The following CTBP2 variants were observed in gnomAD, a reference collection of about 807,000 sequenced individuals.
CTBP2 encodes the protein C-terminal-binding protein 2.
In CTBP2, 30 loss-of-function variants were observed where a neutral mutation model predicts 80.3. The observed-to-expected ratio is 0.37, with a 90% CI of 0.28 to 0.51. The LOEUF is 0.51. Ranked by LOEUF, CTBP2 falls within the 20% of genes least tolerant of loss-of-function variation. CTBP2 has a pLI of 0.93. For synonymous variants in CTBP2, 594 were observed against 587.4 expected (o/e 1.01, Z -0.16); for missense variants, 1,212 against 1,375.3 (o/e 0.88, Z 1.88).
intron 2 of CTBP2, among the ~76,000 whole-genome samples, chr10:125,091,302 G>A (rs1848729673): frequency 6.6e-6 from 1 of 152,196 alleles, no homozygotes. Context: ...CCCTCCGTAT[G>A]CTCAGATGCA....
intron 1 of CTBP2, among the ~76,000 whole-genome samples, chr10:125,142,279 A>G (rs1021438920): frequency 6.6e-6 from 1 of 152,066 alleles, no homozygotes; most frequent in Non-Finnish European, 1.5e-5. Context: ...TGGGGAGAGG[A>G]GGGGTGTCAT....
intron 3 of CTBP2, among the ~76,000 whole-genome samples, chr10:125,033,552 T>C (rs1423651657): frequency 2.0e-5 from 3 of 152,186 alleles, no homozygotes; most frequent in Non-Finnish European, 4.4e-5. Context: ...CCCAAATACC[T>C]GTCAATTAGG....
intron 1 of CTBP2, among the ~76,000 whole-genome samples, chr10:125,149,801 G>A (rs1239933132): frequency 1.3e-5 from 2 of 152,214 alleles, no homozygotes; most frequent in African/African-American, 2.4e-5. Flanking sequence ...CACCTGCTCC[G>A]GGTACTCTTC....
intron 2 of CTBP2, among the ~76,000 whole-genome samples, chr10:125,040,999 G>A (rs552537357): frequency 6.6e-6 from 1 of 152,358 alleles, no homozygotes; most frequent in South Asian, 2.1e-4. Flanking sequence ...GATCAGTCAG[G>A]AGATGGAGGT....
chr10:125,128,860 C>T (rs1313953579), intron 1 of CTBP2, among the ~76,000 whole-genome samples: 3 of 152,210 alleles, frequency 2.0e-5, no homozygotes, highest in Admixed American at 6.5e-5. Flanking sequence ...TGGTTCATAG[C>T]TACTTGCTCA....
rs557690897 is a variant in CTBP2, at chr10:125,078,490, C to A, written c.-102+32500G>T. On this transcript the variant is annotated intron_variant, in intron 2 of 10. Transcript: ENST00000337195. Reference sequence around the variant, plus strand: ...CTCAAACTGCCTGTTCTGTGGCAACCCCAAGATTGTTCTACTTCCACAGCC... The same window carrying A: ...CTCAAACTGCCTGTTCTGTGGCAACACCAAGATTGTTCTACTTCCACAGCC... 2.0e-5 allele frequency among the ~76,000 whole-genome samples: 3 copies of A among 151,976 alleles called. No homozygotes were observed. In the South Asian group the frequency reaches 6.2e-4, roughly 32 times the overall value.
At chr10:125,040,426 AC>A (rs1200788719) in intron 2 of CTBP2, among the ~76,000 whole-genome samples, 1 of 141,452 alleles carries the variant, frequency 7.1e-6, no homozygotes, top group Admixed American at 7.7e-5. Flanking sequence ...CTGCACTCCA[AC>A]CTGGTGACAG....
chr10:125,073,793 G>A (rs1845873089), intron 2 of CTBP2, among the ~76,000 whole-genome samples: 1 of 152,202 alleles, frequency 6.6e-6, no homozygotes, highest in African/African-American at 2.4e-5. Context: ...CAGCATCTCT[G>A]CGTGCTGCCC....
chr10:125,036,269 G>T (rs1958855046), intron 3 of CTBP2, among the ~76,000 whole-genome samples: 1 of 152,204 alleles, frequency 6.6e-6, no homozygotes, highest in Non-Finnish European at 1.5e-5. Context: ...CAGGGGTGAT[G>T]CTCAGATTCC....
At chr10:125,087,897 C>T (rs993352503) in intron 2 of CTBP2, among the ~76,000 whole-genome samples, 1 of 152,198 alleles carries the variant, frequency 6.6e-6, no homozygotes, top group Admixed American at 6.5e-5. Flanking sequence ...CCTCTGGAAC[C>T]GGTTGCCTCC....
Position 125,126,631 on chromosome 10 carries a change from T to A in CTBP2, c.-205-15538A>T, listed in dbSNP as rs548356252. Among the ~76,000 whole-genome samples, 7 of 152,326 alleles carry A rather than the reference T, an allele frequency of 4.6e-5. No individual in the cohort carries two copies. In the South Asian group the frequency reaches 1.5e-3, roughly 32 times the overall value. ...TGTTCCTTCCCTGTTAGGGCAGATG[T>A]GCTCGCACCTCCCGGCCTCGGCCCC... On this transcript the variant is annotated intron_variant, in intron 1 of 10. Transcript: ENST00000337195.
rs1437739744 is a variant in CTBP2, at chr10:124,984,589, T to C, written c.*4929A>G. On this transcript the variant is annotated 3_prime_UTR_variant, in exon 9 of 9. Coordinates refer to ENST00000309035, the MANE Select transcript of CTBP2 (RefSeq NM_022802.3). Reference sequence around the variant, plus strand: ...GAGAAATTTCCCATTTATGTCTTTTTAAATTTAACCAGAGCAAACTGGACT... The same window carrying C: ...GAGAAATTTCCCATTTATGTCTTTTCAAATTTAACCAGAGCAAACTGGACT... 3.5e-6 allele frequency: 2 copies of C among 570,172 alleles called. No individual in the cohort carries two copies. The highest frequency in any genetic ancestry group is 3.0e-6 in the Non-Finnish European group (1 of 333,568). The allele number at this position is 570,172 out of a possible 1,614,324, so 35.3% of individuals were successfully genotyped here.
chr10:125,021,549 A>AG (rs5788688), intron 1 of CTBP2, among the ~76,000 whole-genome samples: 27,569 of 152,026 alleles, frequency 0.18, 2,785 homozygotes, highest in African/African-American at 0.26. Flanking sequence ...CAGTCTGGTA[A>AG]GGGGGCACAA....
upstream of CTBP2, among the ~76,000 whole-genome samples, chr10:125,032,124 C>T (rs761632089): frequency 1.1e-4 from 17 of 152,052 alleles, no homozygotes; most frequent in African/African-American, 3.1e-4. Context: ...AAGTGTGCAA[C>T]GGGACCCCAG....
At chr10:125,057,855 C>A (rs541081356) in intron 2 of CTBP2, among the ~76,000 whole-genome samples, 4 of 152,268 alleles carry the variant, frequency 2.6e-5, no homozygotes, top group Admixed American at 2.0e-4. Context: ...AACAGACTGG[C>A]CTGGACTTCG....
At position 125,121,227 on chromosome 10, in the gene CTBP2, G is replaced by A. The variant is rs183280916; in HGVS notation, c.-205-10134C>T. ...TGGTCACCTGTACCTCCCTCATGGGGCCACAGCGGGAAGCACAGGCAATAC... is the reference window on the plus strand; with the variant it reads ...TGGTCACCTGTACCTCCCTCATGGGACCACAGCGGGAAGCACAGGCAATAC... On this transcript the variant is annotated intron_variant, in intron 1 of 10. Coordinates refer to the CTBP2 transcript ENST00000337195. Among the ~76,000 whole-genome samples the A allele has an allele frequency of 9.2e-5, 14 of 152,348 alleles. No homozygotes were observed. The East Asian group carries it at 2.7e-3, about 29-fold the overall frequency.
chr10:125,126,335 C>A (rs150698154), intron 1 of CTBP2, among the ~76,000 whole-genome samples: 399 of 152,322 alleles, frequency 2.6e-3, no homozygotes, highest in African/African-American at 9.1e-3. Context: ...ACTTAACGAC[C>A]AAAGCCAAAC....
chr10:125,144,090 A>G (rs1858315192), intron 1 of CTBP2, among the ~76,000 whole-genome samples: 1 of 152,164 alleles, frequency 6.6e-6, no homozygotes, highest in Admixed American at 6.5e-5. Flanking sequence ...ACCTCATATC[A>G]AGGGGCAAAC....
chr10:125,038,415 G>C (rs139382273), intron 3 of CTBP2, among the ~76,000 whole-genome samples: 216 of 152,226 alleles, frequency 1.4e-3, no homozygotes, highest in African/African-American at 4.8e-3. Context: ...CCACACGCTG[G>C]TTTCTTACCA....
Sources: allele counts gnomAD v4.1 joint callset (sites outside exome capture counted in the v4.1 genomes callset), GRCh38; gene constraint gnomAD v4.1.1; transcripts MANE v1.5; gene names NCBI Gene and HGNC (gene_info 2026-07-23, HGNC 2026-07-21).